Variants in IGDCC3 observed in about 807,000 individuals in gnomAD.
The protein encoded by IGDCC3 is putative neuronal cell adhesion molecule.
In IGDCC3, 47 loss-of-function variants were observed where a neutral mutation model predicts 72.0. The ratio of observed to expected loss-of-function variants is 0.65; its 90% CI spans 0.52 to 0.83. IGDCC3 has a LOEUF of 0.83. Among genes scored for constraint, IGDCC3 ranks in the 40% least tolerant of loss-of-function variants. The probability of loss-of-function intolerance (pLI) is 0.00; values close to 1 mark genes in which losing one functional copy is unlikely to be tolerated. For missense variants in IGDCC3, 1,038 were observed against 1,091.3 expected, an observed-to-expected ratio of 0.95 and a Z score of 0.69; for synonymous variants, 477 against 472.8, an observed-to-expected ratio of 1.01 and a Z score of -0.11.
rs1444655680 is a variant in IGDCC3 at position 65,335,423 on chromosome 15, T to C, written c.555-2A>G. ...ACCCCCTTGGGCAGCAATGTGTACC[T>C]GTTGAGGGGAGGGACATAGTTGGCC... On this transcript the variant is annotated splice_acceptor_variant, in intron 3 of 13. Transcript: ENST00000327987. LOFTEE classifies it high-confidence loss of function. 6.2e-7 allele frequency: 1 copy of C among 1,605,098 alleles called. No individual in the cohort carries two copies. The highest frequency in any genetic ancestry group is 2.2e-5 in the East Asian group (1 of 44,832).
chr15:65,361,501 C>T lies in IGDCC3; in HGVS notation c.409+13596G>A, dbSNP rs530783736. Among the ~76,000 whole-genome samples, 7 of 152,090 alleles carry T rather than the reference C, an allele frequency of 4.6e-5. No homozygotes were observed. The South Asian group carries it at 1.5e-3, about 32-fold the overall frequency. ...AAAGAAAAGAAATCCCTGGCCTACC[C>T]CTCAAGCCCCCCAACTCCAGCTCTC... On this transcript the variant is annotated intron_variant, in intron 2 of 13. Coordinates refer to ENST00000327987, the MANE Select transcript of IGDCC3 (RefSeq NM_004884.4).
rs1275555254 is a variant in IGDCC3, at chr15:65,330,538, T to G, written c.1753+12A>C. On this transcript the variant is annotated intron_variant, in intron 10 of 13. Transcript: ENST00000327987. ...GCCAAGCCCCCTAGGCTCTGGGCTG[T>G]GTCTGCCTCACCGAGCTGGCTGAGG... 1 of 1,612,096 alleles carries G rather than the reference T, an allele frequency of 6.2e-7. No homozygotes were observed. The highest frequency in any genetic ancestry group is 1.3e-5 in the African/African-American group (1 of 74,998).
At chr15:65,376,414 G>C (rs1037692982) in intron 1 of IGDCC3, among the ~76,000 whole-genome samples, 1 of 152,194 alleles carries the variant, frequency 6.6e-6, no homozygotes, top group Non-Finnish European at 1.5e-5. Flanking sequence ...AACTCCACTC[G>C]AGGAGGAATG....
chr15:65,333,603 C>A (rs138242111), intron 5 of IGDCC3, among the ~76,000 whole-genome samples, 188 bp from the exon 6 acceptor site: 1 of 152,194 alleles, frequency 6.6e-6, no homozygotes, highest in Non-Finnish European at 1.5e-5. Context: ...AGAACCCTCG[C>A]GCCTAGCAGC....
chr15:65,362,696 T>A (rs2091268914), intron 2 of IGDCC3, among the ~76,000 whole-genome samples: 1 of 152,026 alleles, frequency 6.6e-6, no homozygotes. Context: ...GGCTCAGCAG[T>A]GTTCAGGGAG....
In IGDCC3 at chr15:65,335,039, C is replaced by T. The variant is rs191419168; in HGVS notation, c.686-174G>A. Among the ~76,000 whole-genome samples the T allele has an allele frequency of 2.4e-4, 36 of 152,286 alleles. No individual in the cohort carries two copies. In the East Asian group the frequency reaches 6.7e-3, roughly 29 times the overall value. ...GTTCCAGACATCCGTCCCTCTGCTG[C>T]GGGCTCTGCAGGGCTGCCAGCAATG... is the stretch of plus-strand genomic sequence containing the variant. On this transcript the variant is annotated intron_variant, in intron 4 of 13. Transcript: ENST00000327987.
chr15:65,349,653 AC>A (rs1248595471), intron 2 of IGDCC3, among the ~76,000 whole-genome samples: 1 of 152,190 alleles, frequency 6.6e-6, no homozygotes, highest in African/African-American at 2.4e-5. Flanking sequence ...CCTGAAACAA[AC>A]AAAAAACTGG....
intron 2 of IGDCC3, among the ~76,000 whole-genome samples, chr15:65,351,585 A>T (rs959660022): frequency 2.0e-5 from 3 of 152,160 alleles, no homozygotes; most frequent in African/African-American, 7.2e-5. Context: ...AACATTGGGT[A>T]AATATGTCTA....
intron 5 of IGDCC3, 124 bp downstream of exon 5, chr15:65,334,604 T>C (rs2091009165): frequency 9.9e-6 from 9 of 913,036 alleles, no homozygotes; most frequent in Non-Finnish European, 1.3e-5. Context: ...AGGGATAGAA[T>C]GGACCCCCAC....
At chr15:65,365,510 G>A (rs1461033766) in intron 2 of IGDCC3, among the ~76,000 whole-genome samples, 4 of 152,160 alleles carry the variant, frequency 2.6e-5, no homozygotes, top group Non-Finnish European at 5.9e-5. Flanking sequence ...CAGTGTCAGT[G>A]TCAGTGTCCA....
rs1482355548 is a variant in IGDCC3, at chr15:65,330,386, C to G, written c.1765G>C (p.Val589Leu). Reference sequence around the variant, plus strand: ...TAGGCGAGCAGCTTCACCTCATACACTGCAGTGGGGTCTGGAGGAAGGCAG... The same window carrying G: ...TAGGCGAGCAGCTTCACCTCATACAGTGCAGTGGGGTCTGGAGGAAGGCAG... Reference protein sequence around the residue: ...YNLSQLDPTAVYEVKLLAYNQ... With the variant: ...YNLSQLDPTALYEVKLLAYNQ... Residue 589 changes from valine to leucine, a missense_variant, in exon 11 of 14, where the codon GTG (valine) becomes CTG (leucine). Transcript: ENST00000327987. 6.2e-7 allele frequency: 1 copy of G among 1,613,498 alleles called. No individual in the cohort carries two copies. The highest frequency in any genetic ancestry group is 1.7e-5 in the Admixed American group (1 of 59,994).
rs1357905827 is a variant in IGDCC3, at chr15:65,329,849, C to A, written c.1874G>T (p.Cys625Phe). Reference sequence around the variant, plus strand: ...GGCGGCCTCCTCCTTCCGGCAGTCACATGGTGGGCTCAAGGCTGGGGACAG... The same window carrying A: ...GGCGGCCTCCTCCTTCCGGCAGTCAAATGGTGGGCTCAAGGCTGGGGACAG... Reference protein sequence around the residue: ...ASERTALSPPCDCRKEEAANQ... With the variant: ...ASERTALSPPFDCRKEEAANQ... Residue 625 changes from cysteine (C) to phenylalanine (F), a missense_variant, in exon 12 of 14, where the codon TGT becomes TTT. By Grantham distance (205) the Cys-to-Phe change is radical (BLOSUM62 -2). Transcript: ENST00000327987. The surrounding 1 kb of genome is among the most constrained non-coding windows in gnomAD (Gnocchi z 4.1). 2 of 1,614,032 alleles carry A rather than the reference C, an allele frequency of 1.2e-6. No individual in the cohort carries two copies. The highest frequency in any genetic ancestry group is 2.2e-5 in the South Asian group (2 of 91,080).
chr15:65,340,291 G>T (rs962886759), intron 2 of IGDCC3, among the ~76,000 whole-genome samples: 2 of 152,112 alleles, frequency 1.3e-5, no homozygotes, highest in Non-Finnish European at 2.9e-5. Context: ...AGGGGGAGGT[G>T]GGGGGCAGCA....
intron 2 of IGDCC3, among the ~76,000 whole-genome samples, chr15:65,347,152 T>G (rs1225846997): frequency 6.6e-6 from 1 of 152,166 alleles, no homozygotes; most frequent in Non-Finnish European, 1.5e-5. Flanking sequence ...GGGTGTCTGG[T>G]TAGGGGGGCC....
At chr15:65,345,558 GCACACA>G (rs139591852) in intron 2 of IGDCC3, among the ~76,000 whole-genome samples, 8 of 145,758 alleles carry the variant, frequency 5.5e-5, no homozygotes, top group African/African-American at 1.0e-4. Context: ...TGTCTCACAC[GCACACA>G]CACACACACA....
chr15:65,330,787 T>TCTAG, intron 9 of IGDCC3, 46 bp from the exon 10 acceptor site: 1 of 1,361,594 alleles, frequency 7.3e-7, no homozygotes, highest in Non-Finnish European at 9.8e-7. Context: ...CAGTGGAAGC[T>TCTAG]CTATCTTTCT....
chr15:65,334,799 A>G lies in IGDCC3; in HGVS notation c.752T>C (p.Val251Ala). ...LVGPENLTLT[V>A]HQTAVLECVA... ...ACACTCAAGCACCGCGGTCTGGTGC[A>G]CTGTCAGGGTGAGGTTCTCAGGCCC... The change falls in exon 5 of 14, where the codon GTG becomes GCG. Residue 251 changes from valine to alanine, a missense_variant. Physicochemically the swap from Val to Ala is moderately conservative, Grantham distance 64. Coordinates refer to ENST00000327987, the MANE Select transcript of IGDCC3 (RefSeq NM_004884.4). The G allele has an allele frequency of 6.2e-7, 1 of 1,612,592 alleles. No homozygotes were observed. The highest frequency in any genetic ancestry group is 2.2e-5 in the East Asian group (1 of 44,836).
chr15:65,331,714 C>G (rs2090979977), intron 7 of IGDCC3, 55 bp from the exon 8 acceptor site: 1 of 1,515,698 alleles, frequency 6.6e-7, no homozygotes, highest in African/African-American at 1.4e-5. Context: ...TTGACCAAAT[C>G]TCCCCATTTG....
At chr15:65,371,499 C>CA (rs1210711437) in intron 2 of IGDCC3, among the ~76,000 whole-genome samples, 1 of 152,210 alleles carries the variant, frequency 6.6e-6, no homozygotes, top group Non-Finnish European at 1.5e-5. Context: ...CCTTGCTACT[C>CA]AGAGTACAGC....
Sources: allele counts gnomAD v4.1 joint callset (sites outside exome capture counted in the v4.1 genomes callset), GRCh38; gene constraint gnomAD v4.1.1; non-coding constraint Gnocchi (gnomAD v3.1); transcripts MANE v1.5; gene names NCBI Gene and HGNC (gene_info 2026-07-23, HGNC 2026-07-21).